The following GBX2 variants were observed in gnomAD, a reference collection of about 807,000 sequenced individuals.
GBX2 encodes the protein homeobox protein GBX-2.
In GBX2, 5 loss-of-function variants were observed where a neutral mutation model predicts 22.4. The ratio of observed to expected loss-of-function variants is 0.22; its 90% CI spans 0.12 to 0.47. The LOEUF is 0.47. Among genes scored for constraint, GBX2 ranks in the 20% least tolerant of loss-of-function variants. GBX2 has a pLI of 0.99. For missense variants in GBX2, 470 were observed against 495.4 expected, an observed-to-expected ratio of 0.95 and a Z score of 0.49; for synonymous variants, 220 against 230.5, an observed-to-expected ratio of 0.95 and a Z score of 0.41.
At position 236,168,147 on chromosome 2, in the gene GBX2, A is replaced by C. The variant is rs1015679262; in HGVS notation, c.-176T>G. Reference sequence around the variant, plus strand: ...GGCCCGCTGCATGCCGGGCGGGTGCAGGGGGTGTGCGGGGTGAGGCCGTGC... The same window carrying C: ...GGCCCGCTGCATGCCGGGCGGGTGCCGGGGGTGTGCGGGGTGAGGCCGTGC... On this transcript the variant is annotated 5_prime_UTR_variant, in exon 1 of 2. Transcript: ENST00000306318. 3.4e-6 allele frequency: 2 copies of C among 594,268 alleles called. No individual in the cohort carries two copies. Among genetic ancestry groups the C allele is most frequent in the Non-Finnish European group, 4.8e-6 (2 of 412,460 alleles). The allele number at this position is 594,268 out of a possible 1,614,324, so 36.8% of individuals were successfully genotyped here.
downstream of GBX2, among the ~76,000 whole-genome samples, chr2:236,162,999 G>A (rs2060219819): frequency 6.6e-6 from 1 of 152,206 alleles, no homozygotes; most frequent in Admixed American, 6.5e-5. Context: ...CTGAGGTGCT[G>A]GCCGAGCCTC....
At position 236,167,668 on chromosome 2, in the gene GBX2, A is replaced by G; in HGVS notation, c.304T>C (p.Ser102Pro). The stretch of plus-strand genomic sequence containing the variant: ...CCGGGGAGCGTGGCCATGAGCGTAG[A>G]GGTGAGCGCCATGCCCTGCGCCAGG... ...SSLAQGMALT[S>P]TLMATLPGGF... is the part of the protein sequence containing the mutation. The change falls in exon 1 of 2, where the codon TCT (serine) becomes CCT (proline). Residue 102 changes from serine to proline, a missense_variant. Physicochemically the swap from Ser to Pro is moderately conservative, Grantham distance 74. Around this residue, in one of 4 missense-constraint regions of GBX2, gnomAD observed 377 missense variants for 358.6 expected, o/e 1.05. Coordinates refer to ENST00000306318, the MANE Select transcript of GBX2 (RefSeq NM_001485.4). 6.3e-7 allele frequency: 1 copy of G among 1,588,230 alleles called. No individual in the cohort carries two copies. Among genetic ancestry groups the G allele is most frequent in the Non-Finnish European group, 8.5e-7 (1 of 1,172,144 alleles).
rs199751219 is a variant in GBX2 at position 236,166,061 on chromosome 2, G to T, written c.900C>A (p.Ala300=). 1 of 1,614,236 alleles carries T rather than the reference G, an allele frequency of 6.2e-7. No homozygotes were observed. ...QVKIWFQNRR[A]KWKRVKAGNA... is the part of the protein sequence containing the mutation. Reference sequence around the variant, plus strand: ...TGCCTGCCTTCACCCGTTTCCACTTGGCCCGTCGGTTCTGGAACCAGATTT... The same window carrying T: ...TGCCTGCCTTCACCCGTTTCCACTTTGCCCGTCGGTTCTGGAACCAGATTT... The change falls in exon 2 of 2, where the codon GCC becomes GCA. Residue 300 remains alanine, a synonymous_variant. Transcript: ENST00000306318. This position sits in a 1 kb window ranked among gnomAD's most constrained non-coding sequence, Gnocchi z 6.6.
downstream of GBX2, among the ~76,000 whole-genome samples, chr2:236,163,481 CG>C (rs1443121066): frequency 1.3e-5 from 2 of 152,210 alleles, no homozygotes; most frequent in Non-Finnish European, 2.9e-5. Context: ...GTCAAAGCTT[CG>C]GGTCCCTCTG....
chr2:236,167,895 G>A lies in GBX2; in HGVS notation c.77C>T (p.Ser26Leu). 6.4e-7 allele frequency: 1 copy of A among 1,557,086 alleles called. No individual in the cohort carries two copies. Among genetic ancestry groups the A allele is most frequent in the Non-Finnish European group, 8.7e-7 (1 of 1,154,892 alleles). The change falls in exon 1 of 2, where the codon TCG (serine) becomes TTG (leucine). Residue 26 changes from serine (S) to leucine (L), a missense_variant. By Grantham distance (145) the Ser-to-Leu change is moderately radical. Around this residue, in one of 4 missense-constraint regions of GBX2, gnomAD observed 377 missense variants for 358.6 expected, o/e 1.05. Coordinates refer to ENST00000306318, the MANE Select transcript of GBX2 (RefSeq NM_001485.4). ...GGGCTGCGGCGGGCTGCCGATCAGC[G>A]AGTCTATGCTGAAGGCGGTGCTACT... is the stretch of plus-strand genomic sequence containing the variant. ...LGSSTAFSID[S>L]LIGSPPQPSP...
At chr2:236,162,898 C>T (rs1369811605), downstream of GBX2, among the ~76,000 whole-genome samples, 1 of 152,136 alleles carries the variant, frequency 6.6e-6, no homozygotes. Context: ...TTCTTCAGGC[C>T]CCCCCATCAG....
chr2:236,168,222 C>G lies in GBX2; in HGVS notation c.-251G>C. On this transcript the variant is annotated 5_prime_UTR_variant, in exon 1 of 2. Transcript: ENST00000306318. ...GGCCCCGAGGGCTCGCCGGAGCCCC[C>G]GTCCGCCGCTTGCCCGTCGGAGCCC... is the stretch of plus-strand genomic sequence containing the variant. The G allele has an allele frequency of 3.9e-6, 1 of 257,654 alleles. No homozygotes were observed. Among genetic ancestry groups the G allele is most frequent in the Non-Finnish European group, 7.2e-6 (1 of 138,042 alleles). The allele number at this position is 257,654 out of a possible 1,614,324, so 16.0% of individuals were successfully genotyped here.
At chr2:236,167,156 G>A (rs1051755831) in intron 1 of GBX2, 7 of 1,535,596 alleles carry the variant, frequency 4.6e-6, no homozygotes, top group East Asian at 2.4e-5. Flanking sequence ...CCAGGTCACC[G>A]CGGAGCGGCA....
downstream of GBX2, among the ~76,000 whole-genome samples, chr2:236,164,681 G>A (rs1433045669): frequency 1.3e-5 from 2 of 152,200 alleles, no homozygotes; most frequent in African/African-American, 2.4e-5. Flanking sequence ...GGGGCCGGGG[G>A]CGCTCCAGCC....
chr2:236,167,788 G>T lies in GBX2; in HGVS notation c.184C>A (p.Pro62Thr). 1 of 1,393,370 alleles carries T rather than the reference G, an allele frequency of 7.2e-7. No individual in the cohort carries two copies. The highest frequency in any genetic ancestry group is 1.7e-5 in the South Asian group (1 of 57,602). The allele number at this position is 1,393,370 out of a possible 1,614,324, so 86.3% of individuals were successfully genotyped here. ...AGCGCGGCCTGGGGCAGCGCGGGCGGCGGCGGCGGCGGCGGCGGCAGCACT... is the reference window on the plus strand; with the variant it reads ...AGCGCGGCCTGGGGCAGCGCGGGCGTCGGCGGCGGCGGCGGCGGCAGCACT... ...PVVLPPPPPP[P>T]PALPQAALQP... The change falls in exon 1 of 2, where the codon CCG (proline) becomes ACG (threonine). Residue 62 changes from proline to threonine, a missense_variant. Physicochemically the swap from Pro to Thr is conservative, Grantham distance 38. Coordinates refer to ENST00000306318, the MANE Select transcript of GBX2 (RefSeq NM_001485.4).
downstream of GBX2, among the ~76,000 whole-genome samples, chr2:236,163,998 C>A (rs1417626971): frequency 6.6e-6 from 1 of 152,084 alleles, no homozygotes; most frequent in African/African-American, 2.4e-5. Flanking sequence ...TTATTGGGCT[C>A]GAAAACCAAG....
chr2:236,164,028 C>G (rs2060224533), downstream of GBX2, among the ~76,000 whole-genome samples: 1 of 152,164 alleles, frequency 6.6e-6, no homozygotes, highest in African/African-American at 2.4e-5. Flanking sequence ...TTTTCCGCCA[C>G]CGGAACTGTT....
chr2:236,165,696 G>A lies in GBX2; in HGVS notation c.*218C>T. The A allele has an allele frequency of 1.8e-6, 1 of 570,216 alleles. No homozygotes were observed. The highest frequency in any genetic ancestry group is 2.4e-5 in the South Asian group (1 of 42,260). 35.3% of individuals were successfully genotyped at this position (570,216 alleles called of 1,614,324 possible). The stretch of plus-strand genomic sequence containing the variant: ...ATAGAGATATTTATGTACAAAGTAG[G>A]ATAGTATAATAAATATTTAGCGTGT... On this transcript the variant is annotated 3_prime_UTR_variant, in exon 2 of 2. Coordinates refer to ENST00000306318, the MANE Select transcript of GBX2 (RefSeq NM_001485.4).
chr2:236,167,353 C>A, intron 1 of GBX2, 96 bp downstream of exon 1: 1 of 1,374,948 alleles, frequency 7.3e-7, no homozygotes, highest in Non-Finnish European at 9.6e-7. Context: ...AGCGGGGGCG[C>A]GGCCTCGCCC....
downstream of GBX2, among the ~76,000 whole-genome samples, chr2:236,164,392 G>C (rs1244997118): frequency 6.6e-6 from 1 of 152,140 alleles, no homozygotes; most frequent in Non-Finnish European, 1.5e-5. Flanking sequence ...CCCTGGGCCT[G>C]TCCGCCGCAG....
At chr2:236,162,418 C>T (rs1165504708), downstream of GBX2, among the ~76,000 whole-genome samples, 1 of 152,248 alleles carries the variant, frequency 6.6e-6, no homozygotes, top group Non-Finnish European at 1.5e-5. Flanking sequence ...GAGCAGCTTC[C>T]AGTGCAGGTG....
In GBX2 at chr2:236,166,225, T is replaced by G. The variant is rs2060238153; in HGVS notation, c.736A>C (p.Lys246Gln). Reference protein sequence around the residue: ...GAAGSTTSTGKNRRRRTAFTS... With the variant: ...GAAGSTTSTGQNRRRRTAFTS... ...AAGGCAGTCCGCCGCCGCCGGTTCT[T>G]GCCCGTAGACGTGGTGCTGCCCGCG... Residue 246 changes from lysine (K) to glutamine (Q), a missense_variant, in exon 2 of 2, where the codon AAG (lysine) becomes CAG (glutamine). Transcript: ENST00000306318. This position sits in a 1 kb window ranked among gnomAD's most constrained non-coding sequence, Gnocchi z 6.6. The G allele has an allele frequency of 1.2e-6, 2 of 1,613,620 alleles. No homozygotes were observed. The highest frequency in any genetic ancestry group is 2.2e-5 in the South Asian group (2 of 91,084).
At position 236,166,486 on chromosome 2, in the gene GBX2, T is replaced by A. The variant is rs373784704; in HGVS notation, c.524-49A>T. 44 of 1,536,344 alleles carry A rather than the reference T, an allele frequency of 2.9e-5. No homozygotes were observed. The highest frequency in any genetic ancestry group is 3.4e-5 in the Non-Finnish European group (38 of 1,127,232). ...TTTATTACATTTCGCACACTGGCCTTCCTTTCTCCTTCCCACCGTCATTTG... is the reference window on the plus strand; with the variant it reads ...TTTATTACATTTCGCACACTGGCCTACCTTTCTCCTTCCCACCGTCATTTG... On this transcript the variant is annotated intron_variant, in intron 1 of 1. Transcript: ENST00000306318. The surrounding 1 kb of genome is among the most constrained non-coding windows in gnomAD (Gnocchi z 6.6).
Position 236,166,289 on chromosome 2 carries a change from C to T in GBX2, c.672G>A (p.Pro224=). 2 of 1,613,796 alleles carry T rather than the reference C, an allele frequency of 1.2e-6. No homozygotes were observed. Among genetic ancestry groups the T allele is most frequent in the Non-Finnish European group, 1.7e-6 (2 of 1,180,004 alleles). The part of the protein sequence containing the change: ...TGQAAHKEED[P]GHALEETPPS... ...GCGGGGTCTCCTCCAGCGCGTGGCC[C>T]GGGTCTTCCTCCTTGTGAGCTGCCT... The change falls in exon 2 of 2, where the codon CCG becomes CCA. Residue 224 remains proline, a synonymous_variant. Transcript: ENST00000306318. The surrounding 1 kb of genome is among the most constrained non-coding windows in gnomAD (Gnocchi z 6.6).
Sources: allele counts gnomAD v4.1 joint callset (sites outside exome capture counted in the v4.1 genomes callset), GRCh38; gene constraint gnomAD v4.1.1; regional missense constraint gnomAD v4.1.1; non-coding constraint Gnocchi (gnomAD v3.1); transcripts MANE v1.5; gene names NCBI Gene and HGNC (gene_info 2026-07-23, HGNC 2026-07-21).